The following CFTR variants were observed in gnomAD, a reference collection of about 807,000 sequenced individuals.
The protein encoded by CFTR is cystic fibrosis transmembrane conductance regulator.
Under a neutral mutation model 171.6 loss-of-function variants are expected in CFTR, and 181 were observed. The ratio of observed to expected loss-of-function variants is 1.05; its 90% CI spans 0.93 to 1.19. The LOEUF (loss-of-function observed/expected upper bound fraction) is 1.19. CFTR is among the 50% of genes most tolerant of loss of function. The pLI is 0.00. For missense variants in CFTR, 1,968 were observed against 1,734.7 expected (o/e 1.13, Z -2.39); for synonymous variants, 583 against 608.0 (o/e 0.96, Z 0.60).
chr7:117,644,060 CT>C (rs138525231), intron 23 of CFTR, among the ~76,000 whole-genome samples: 6 of 148,250 alleles, frequency 4.0e-5, no homozygotes, highest in African/African-American at 4.9e-5. Context: ...CCAAGTTTGT[CT>C]TTTTTTTTTC....
intron 3 of CFTR, among the ~76,000 whole-genome samples, chr7:117,516,361 G>T (rs892495092): frequency 1.3e-5 from 2 of 152,094 alleles, no homozygotes; most frequent in Non-Finnish European, 2.9e-5. Context: ...GAGGGAAACT[G>T]TATAGTATAG....
At chr7:117,560,069 A>T (rs1799436565) in intron 11 of CFTR, among the ~76,000 whole-genome samples, 1 of 152,138 alleles carries the variant, frequency 6.6e-6, no homozygotes, top group Non-Finnish European at 1.5e-5. Flanking sequence ...AATAATTTTA[A>T]TAATACTATA....
At chr7:117,585,242 T>A (rs1791913052) in intron 11 of CFTR, among the ~76,000 whole-genome samples, 2 of 152,098 alleles carry the variant, frequency 1.3e-5, no homozygotes, top group African/African-American at 4.8e-5. Context: ...ATTTTTAACT[T>A]AATATTTGAT....
intron 19 of CFTR, 73 bp from the exon 20 acceptor site, chr7:117,611,508 A>G (rs1293054566): frequency 3.2e-6 from 3 of 933,902 alleles, no homozygotes; most frequent in African/African-American, 1.6e-5. Flanking sequence ...AGTCTTTTTC[A>G]GGTACAAGAT....
chr7:117,507,583 A>G (rs1331591872), intron 2 of CFTR, among the ~76,000 whole-genome samples: 1 of 152,124 alleles, frequency 6.6e-6, no homozygotes, highest in East Asian at 1.9e-4. Flanking sequence ...ACTCTGAGTA[A>G]CCAAATGTTA....
chr7:117,550,608 G>A (rs943128275), intron 10 of CFTR, among the ~76,000 whole-genome samples: 1 of 152,240 alleles, frequency 6.6e-6, no homozygotes. Context: ...TTTATGAAAA[G>A]GTAGTAATTG....
intron 24 of CFTR, among the ~76,000 whole-genome samples, chr7:117,660,398 G>A (rs562749751): frequency 4.6e-5 from 7 of 152,148 alleles, no homozygotes; most frequent in Admixed American, 3.3e-4. Flanking sequence ...TTGGGAGGCC[G>A]AGGCGGTTGG....
rs773509355 is a variant in CFTR, at chr7:117,536,641, A to T, written c.837A>T (p.Glu279Asp). Residue 279 changes from glutamate (E) to aspartate (D), a missense_variant, in exon 7 of 27, where the codon GAA (glutamate) becomes GAT (aspartate). Transcript: ENST00000003084. ...CTGTTAAGGCATACTGCTGGGAAGA[A>T]GCAATGGAAAAAATGATTGAAAACT... ...IQSVKAYCWE[E>D]AMEKMIENLR... is the part of the protein sequence containing the mutation. The T allele has an allele frequency of 8.1e-5, 131 of 1,611,982 alleles. No homozygotes were observed. The highest frequency in any genetic ancestry group is 8.7e-5 in the Non-Finnish European group (103 of 1,179,280).
Position 117,495,338 on chromosome 7 carries a change from C to A in CFTR, c.54-8915C>A, listed in dbSNP as rs35313680. ...AGGATGCTTCTCTAAAGTAGATGGG[C>A]ATCAACTATAAATCACAATGCTTTG... On this transcript the variant is annotated intron_variant, in intron 1 of 26. Transcript: ENST00000003084. Among the ~76,000 whole-genome samples, 785 of 152,214 alleles carry A rather than the reference C, an allele frequency of 5.2e-3. 7 individuals are homozygous for A. The highest frequency in any genetic ancestry group is 0.018 in the African/African-American group (745 of 41,538).
chr7:117,619,267 T>C (rs1792537165), intron 21 of CFTR, among the ~76,000 whole-genome samples: 2 of 152,196 alleles, frequency 1.3e-5, no homozygotes, highest in Non-Finnish European at 2.9e-5. Flanking sequence ...TTAAGCATTA[T>C]GTAGCTTAAA....
At chr7:117,539,964 G>C (rs1470657580) in intron 7 of CFTR, 136 bp from the exon 8 acceptor site, 1 of 705,776 alleles carries the variant, frequency 1.4e-6, no homozygotes, top group Admixed American at 2.2e-5. Flanking sequence ...GGTCACACAG[G>C]TCATATGATG....
At chr7:117,554,936 C>A (rs980710327) in intron 10 of CFTR, among the ~76,000 whole-genome samples, 2 of 152,158 alleles carry the variant, frequency 1.3e-5, no homozygotes, top group Non-Finnish European at 2.9e-5. Flanking sequence ...CAAATACAGA[C>A]AACCATTGAT....
rs140393487 is a variant in CFTR at position 117,480,203 on chromosome 7, C to T, written c.53+56C>T. On this transcript the variant is annotated intron_variant, in intron 1 of 26. Coordinates refer to ENST00000003084, the MANE Select transcript of CFTR (RefSeq NM_000492.4). ...GACACGTGCCCACGAAAGAGGAGGG[C>T]GTGTGTATGGGTTGGGTTTGGGGTA... 40 of 1,522,220 alleles carry T rather than the reference C, an allele frequency of 2.6e-5. No homozygotes were observed. In the African/African-American group the frequency reaches 3.8e-4, roughly 15 times the overall value. The allele number at this position is 1,522,220 out of a possible 1,614,324, so 94.3% of individuals were successfully genotyped here. A position where few individuals can be genotyped will look rare whatever the true frequency, so the allele number is the denominator to read the frequency against.
At chr7:117,616,110 A>G (rs1228309153) in intron 21 of CFTR, 1 of 152,156 alleles carries the variant, frequency 6.6e-6, no homozygotes, top group East Asian at 1.9e-4. Flanking sequence ...AGGAAAAAGA[A>G]AACCCTTTTA....
At chr7:117,605,087 G>A (rs996041213) in intron 17 of CFTR, 2 of 152,208 alleles carry the variant, frequency 1.3e-5, no homozygotes, top group Admixed American at 1.3e-4. Flanking sequence ...ATCAATATAA[G>A]TTCCCCGTGG....
chr7:117,557,130 T>G (rs1799374694), intron 10 of CFTR, among the ~76,000 whole-genome samples: 1 of 152,190 alleles, frequency 6.6e-6, no homozygotes, highest in Non-Finnish European at 1.5e-5. Context: ...GTGTTTCCAT[T>G]ACATTGTTTT....
intron 25 of CFTR, among the ~76,000 whole-genome samples, chr7:117,665,258 G>A (rs1793354072): frequency 6.6e-6 from 1 of 152,142 alleles, no homozygotes. Flanking sequence ...TGAAATATTT[G>A]TCCTGTTTAT....
chr7:117,481,312 C>G (rs1316696782), intron 1 of CFTR, among the ~76,000 whole-genome samples: 2 of 152,182 alleles, frequency 1.3e-5, no homozygotes, highest in Admixed American at 6.5e-5. Flanking sequence ...ATCGGCTTAT[C>G]TATTGATCTG....
rs747139295 is a variant in CFTR at position 117,606,682 on chromosome 7, C to T, written c.2917C>T (p.Leu973Phe). Reference protein sequence around the residue: ...TLNTLKAGGILNRFSKDIAIL... With the variant: ...TLNTLKAGGIFNRFSKDIAIL... Reference sequence around the variant, plus strand: ...CATCTTGTATATTATAGGTGGGATTCTTAATAGATTCTCCAAAGATATAGC... The same window carrying T: ...CATCTTGTATATTATAGGTGGGATTTTTAATAGATTCTCCAAAGATATAGC... Residue 973 changes from leucine to phenylalanine, a missense_variant, in exon 18 of 27, where the codon CTT (leucine) becomes TTT (phenylalanine). Transcript: ENST00000003084. 1.5e-5 allele frequency: 23 copies of T among 1,558,636 alleles called. No homozygotes were observed. Among genetic ancestry groups the T allele is most frequent in the Middle Eastern group, 1.7e-4 (1 of 5,960 alleles).
Sources: gnomAD v4.1 joint callset for allele counts (sites outside exome capture counted in the v4.1 genomes callset) on GRCh38, gnomAD v4.1.1 for gene constraint, MANE v1.5 for transcripts, NCBI Gene and HGNC (gene_info 2026-07-23, HGNC 2026-07-21) for gene names.